The following PODN variants were observed in gnomAD, a reference collection of about 807,000 sequenced individuals.
PODN encodes the protein podocan proteoglycan.
A neutral mutation model predicts 52.7 loss-of-function variants in PODN; 40 were observed. The ratio of observed to expected loss-of-function variants is 0.76; its 90% confidence interval spans 0.59 to 0.99. PODN has a LOEUF of 0.99. Ranked by LOEUF, PODN falls within the 50% of genes least tolerant of loss-of-function variation. The pLI is 0.00. For missense variants in PODN, 720 were observed against 815.1 expected (o/e 0.88, Z 1.42); for synonymous variants, 396 against 377.9 (o/e 1.05, Z -0.56).
rs1413232481 is a variant in PODN at position 53,075,932 on chromosome 1, A to G, written c.542A>G (p.Lys181Arg). The G allele has an allele frequency of 1.9e-6, 3 of 1,604,334 alleles. No individual in the cohort carries two copies. The highest frequency in any genetic ancestry group is 2.6e-6 in the Non-Finnish European group (3 of 1,174,544). Reference sequence around the variant, plus strand: ...GACTTTGCTGCCAACTATCTCACCAAGATCTATGGGCTCACCTTTGGCCAG... The same window carrying G: ...GACTTTGCTGCCAACTATCTCACCAGGATCTATGGGCTCACCTTTGGCCAG... ...SVDFAANYLT[K>R]IYGLTFGQKP... Residue 181 changes from lysine (K) to arginine (R), a missense_variant, in exon 5 of 11, where the codon AAG (lysine) becomes AGG (arginine). Coordinates refer to ENST00000312553, the MANE Select transcript of PODN (RefSeq NM_153703.5).
chr1:53,062,264 G>A lies in PODN; in HGVS notation c.-100G>A. ...GCGGAGCGCAGCTGAGACTGGGGGAGCGCGTTCGGCCTGTGGGGCGCCGCT... is the reference window on the plus strand; with the variant it reads ...GCGGAGCGCAGCTGAGACTGGGGGAACGCGTTCGGCCTGTGGGGCGCCGCT... On this transcript the variant is annotated 5_prime_UTR_variant, in exon 1 of 11. Transcript: ENST00000312553. The A allele has an allele frequency of 7.9e-7, 1 of 1,272,368 alleles. No individual in the cohort carries two copies. The highest frequency in any genetic ancestry group is 1.0e-6 in the Non-Finnish European group (1 of 1,002,244). The allele number at this position is 1,272,368 out of a possible 1,614,324, so 78.8% of individuals were successfully genotyped here.
At position 53,067,177 on chromosome 1, in the gene PODN, G is replaced by T. The variant is rs372894567; in HGVS notation, c.-55-2624G>T. Among the ~76,000 whole-genome samples the T allele has an allele frequency of 3.9e-5, 6 of 152,252 alleles. No individual in the cohort carries two copies. In the East Asian group the frequency reaches 1.2e-3, roughly 29 times the overall value. ...TTGCTGCTGCCGACTGATCCCTGGA[G>T]CCTGGAAGCTGCAGGTGTGCCGGGC... On this transcript the variant is annotated intron_variant, in intron 1 of 10. Coordinates refer to ENST00000312553, the MANE Select transcript of PODN (RefSeq NM_153703.5).
At chr1:53,079,624 C>T (rs566313334) in intron 8 of PODN, among the ~76,000 whole-genome samples, 1 of 152,268 alleles carries the variant, frequency 6.6e-6, no homozygotes, top group South Asian at 2.1e-4. Flanking sequence ...GCTGTGACCA[C>T]ATGGTCAGAA....
intron 1 of PODN, among the ~76,000 whole-genome samples, chr1:53,062,825 C>G (rs544036953): frequency 1.3e-5 from 2 of 152,332 alleles, no homozygotes; most frequent in East Asian, 3.9e-4. Flanking sequence ...GGCCCCAGGG[C>G]GCGTCGGACG....
intron 1 of PODN, chr1:53,063,381 C>G: frequency 1.0e-6 from 1 of 985,954 alleles, no homozygotes; most frequent in African/African-American, 1.7e-5. Flanking sequence ...GAAGGGGAAG[C>G]TGTGGTCTGC....
At chr1:53,072,718 A>G (rs190893758) in intron 3 of PODN, among the ~76,000 whole-genome samples, 254 of 152,328 alleles carry the variant, frequency 1.7e-3, no homozygotes, top group Non-Finnish European at 2.9e-3. Context: ...ACAGTTTAAG[A>G]AGGTGGACAT....
At chr1:53,071,650 A>C (rs1187436147) in intron 3 of PODN, 22 bp downstream of exon 3, 1 of 1,599,892 alleles carries the variant, frequency 6.3e-7, no homozygotes, top group Non-Finnish European at 8.6e-7. Flanking sequence ...CCCAGAGCCC[A>C]GGGTCAGGGA....
At chr1:53,069,661 T>G in intron 1 of PODN, 140 bp from the exon 2 acceptor site, 1 of 1,257,202 alleles carries the variant, frequency 8.0e-7, no homozygotes, top group Non-Finnish European at 1.1e-6. Flanking sequence ...GGCAGCCTGG[T>G]GGGGGTTGGG....
At chr1:53,076,369 G>A (rs1644195138) in intron 5 of PODN, among the ~76,000 whole-genome samples, 2 of 152,180 alleles carry the variant, frequency 1.3e-5, no homozygotes, top group Admixed American at 1.3e-4. Flanking sequence ...TTGGGGGCTG[G>A]ACAACCCCAG....
At chr1:53,081,433 A>G (rs1644293905) in intron 9 of PODN, among the ~76,000 whole-genome samples, 1 of 152,246 alleles carries the variant, frequency 6.6e-6, no homozygotes, top group Non-Finnish European at 1.5e-5. Flanking sequence ...TCGGTTGCCC[A>G]GAAAGCCCTG....
In PODN at chr1:53,082,223, C is replaced by T. The variant is rs998276914; in HGVS notation, c.*27+35C>T. ...CTGTATGGGGCAGCACTCACTTCTG[C>T]TCCCTGCATTTTCCCCTTCCTGACC... On this transcript the variant is annotated intron_variant, in intron 10 of 10. Transcript: ENST00000312553. 1.0e-5 allele frequency: 15 copies of T among 1,458,646 alleles called. No homozygotes were observed. In the Admixed American group the frequency reaches 1.7e-4, roughly 16 times the overall value. 90.4% of individuals were successfully genotyped at this position (1,458,646 alleles called of 1,614,324 possible).
intron 3 of PODN, among the ~76,000 whole-genome samples, chr1:53,072,103 TAAAATAAAATA>T (rs936036840): frequency 4.0e-5 from 6 of 148,614 alleles, no homozygotes; most frequent in Admixed American, 1.3e-4. Context: ...TAAAATAATA[TAAAATAAAATA>T]AAAATAAAAT....
At chr1:53,066,783 A>G (rs1644038857) in intron 1 of PODN, 1 of 1,528,126 alleles carries the variant, frequency 6.5e-7, no homozygotes, top group African/African-American at 1.4e-5. Flanking sequence ...CAGAATGTTA[A>G]TATAAATTCA....
chr1:53,066,532 C>T (rs1211140858), intron 1 of PODN, among the ~76,000 whole-genome samples: 1 of 152,146 alleles, frequency 6.6e-6, no homozygotes, highest in Non-Finnish European at 1.5e-5. Flanking sequence ...CACATGTGGC[C>T]AGTGGCTAAT....
chr1:53,080,752 C>T lies in PODN; in HGVS notation c.1537C>T (p.Leu513Phe), dbSNP rs1421088714. 6 of 1,614,004 alleles carry T rather than the reference C, an allele frequency of 3.7e-6. No homozygotes were observed. Among genetic ancestry groups the T allele is most frequent in the South Asian group, 1.1e-5 (1 of 91,084 alleles). ...GCTGCTGGACATCGCCGGGAATCAG[C>T]TCACAGAGATCCCCGAGGGGCTCCC... Reference protein sequence around the residue: ...LQLLDIAGNQLTEIPEGLPES... With the variant: ...LQLLDIAGNQFTEIPEGLPES... The change falls in exon 9 of 11, where the codon CTC (leucine) becomes TTC (phenylalanine). Residue 513 changes from leucine (L) to phenylalanine (F), a missense_variant. Coordinates refer to ENST00000312553, the MANE Select transcript of PODN (RefSeq NM_153703.5).
At chr1:53,073,608 G>T (rs1644151448) in intron 3 of PODN, 1 of 152,134 alleles carries the variant, frequency 6.6e-6, no homozygotes, top group African/African-American at 2.4e-5. Flanking sequence ...ATTTTAAAAA[G>T]ATTTTTTTTT....
intron 3 of PODN, among the ~76,000 whole-genome samples, chr1:53,071,906 C>T (rs976204668): frequency 6.6e-6 from 1 of 151,670 alleles, no homozygotes; most frequent in Non-Finnish European, 1.5e-5. Flanking sequence ...ACCATGTTAT[C>T]ACCATGGAAT....
chr1:53,079,086 G>C, intron 8 of PODN, 64 bp downstream of exon 8: 2 of 1,447,210 alleles, frequency 1.4e-6, no homozygotes, highest in South Asian at 2.8e-5. Context: ...GCTGCCCTGA[G>C]CCCACCTGTC....
At chr1:53,063,133 G>A (rs1643983439) in intron 1 of PODN, among the ~76,000 whole-genome samples, 1 of 152,236 alleles carries the variant, frequency 6.6e-6, no homozygotes, top group Admixed American at 6.5e-5. Context: ...CTGACGCTCC[G>A]TCAGGTGGAA....
Sources: allele counts gnomAD v4.1 joint callset (sites outside exome capture counted in the v4.1 genomes callset), GRCh38; gene constraint gnomAD v4.1.1; transcripts MANE v1.5; gene names NCBI Gene and HGNC (gene_info 2026-07-23, HGNC 2026-07-21).